Variants in STMN1 observed in about 807,000 individuals in gnomAD.
STMN1 encodes stathmin 1.
Under a neutral mutation model 19.7 loss-of-function variants are expected in STMN1, and 3 were observed. That is an observed-to-expected ratio of 0.15 (90% CI 0.07 to 0.39). The LOEUF is 0.39. Among genes scored for constraint, STMN1 ranks in the 10% least tolerant of loss-of-function variants. The probability of loss-of-function intolerance (pLI) is 1.00; values close to 1 mark genes in which losing one functional copy is unlikely to be tolerated. For synonymous variants in STMN1, 59 were observed against 58.9 expected (o/e 1.00, Z -0.01); for missense variants, 99 against 176.0 (o/e 0.56, Z 2.48).
At position 25,903,704 on chromosome 1, in the gene STMN1, C is replaced by G. The variant is rs1186507955; in HGVS notation, c.123G>C (p.Lys41Asn). The G allele has an allele frequency of 6.2e-7, 1 of 1,613,778 alleles. No individual in the cohort carries two copies. Among genetic ancestry groups the G allele is most frequent in the East Asian group, 2.2e-5 (1 of 44,898 alleles). Residue 41 changes from lysine (K) to asparagine (N), a missense_variant, in exon 3 of 5, where the codon AAG (lysine) becomes AAC (asparagine). Physicochemically the swap from Lys to Asn is moderately conservative, Grantham distance 94. Transcript: ENST00000455785. The stretch of plus-strand genomic sequence containing the variant: ...TTTCCTCCAGGGAAAGATCCTTCTT[C>G]TTTGGAGGGGAAAGGGGGAATTCTG... The part of the protein sequence containing the change: ...SVPEFPLSPP[K>N]KKDLSLEEIQ...
intron 4 of STMN1, among the ~76,000 whole-genome samples, chr1:25,886,889 C>A (rs747515665): frequency 6.6e-6 from 1 of 151,898 alleles, no homozygotes; most frequent in Non-Finnish European, 1.5e-5. Context: ...CCTGGCCCCA[C>A]TGCTTTTATT....
downstream of STMN1, among the ~76,000 whole-genome samples, chr1:25,897,003 G>T (rs773309311): frequency 6.6e-6 from 1 of 152,186 alleles, no homozygotes; most frequent in Non-Finnish European, 1.5e-5. Flanking sequence ...CCATCCAAAG[G>T]GGGAAGCTTT....
chr1:25,901,111 ATCAG>A, intron 4 of STMN1, 24 bp from the exon 5 acceptor site: 1 of 1,499,846 alleles, frequency 6.7e-7, no homozygotes, highest in African/African-American at 1.5e-5. Context: ...GTAAGGTGTC[ATCAG>A]TCAAAAAAAA....
intron 4 of STMN1, among the ~76,000 whole-genome samples, chr1:25,889,353 G>C (rs1246795306): frequency 1.3e-5 from 2 of 152,116 alleles, no homozygotes; most frequent in Non-Finnish European, 2.9e-5. Flanking sequence ...TGTTATAAGG[G>C]AGGAGAGACT....
intron 4 of STMN1, among the ~76,000 whole-genome samples, chr1:25,891,739 G>GT (rs1323946060): frequency 6.6e-5 from 10 of 152,320 alleles, no homozygotes; most frequent in African/African-American, 2.4e-4. Flanking sequence ...GCAGCAGGCT[G>GT]TGAGCCCCCT....
chr1:25,901,468 C>T (rs1378069625), intron 4 of STMN1, 23 bp downstream of exon 4: 1 of 1,590,644 alleles, frequency 6.3e-7, no homozygotes, highest in Non-Finnish European at 8.5e-7. Flanking sequence ...AAGCTCAACC[C>T]TTTTACAAAG....
intron 4 of STMN1, 179 bp downstream of exon 4, chr1:25,901,312 C>A: frequency 1.8e-6 from 2 of 1,117,624 alleles, no homozygotes; most frequent in Non-Finnish European, 2.5e-6. Flanking sequence ...AAGGACTGTG[C>A]AATTATGCTG....
chr1:25,897,853 G>A (rs572102066), downstream of STMN1, among the ~76,000 whole-genome samples: 38 of 152,330 alleles, frequency 2.5e-4, no homozygotes, highest in South Asian at 7.9e-3. Context: ...TCAGTAAATA[G>A]TAGCACTGCC....
chr1:25,894,641 C>CTGCACTCCG (rs1553128440), intron 4 of STMN1, among the ~76,000 whole-genome samples: 1 of 152,200 alleles, frequency 6.6e-6, no homozygotes, highest in Admixed American at 6.5e-5. Context: ...GTTTGCACCA[C>CTGCACTCCG]TGCACTCCGG....
chr1:25,894,525 C>T (rs1447673815), intron 4 of STMN1, among the ~76,000 whole-genome samples: 4 of 152,182 alleles, frequency 2.6e-5, no homozygotes, highest in East Asian at 1.9e-4. Flanking sequence ...ACAAAAAATA[C>T]GAAAATTAGC....
At chr1:25,901,122 A>C in intron 4 of STMN1, 35 bp from the exon 5 acceptor site, 1 of 1,185,540 alleles carries the variant, frequency 8.4e-7, no homozygotes, top group Admixed American at 2.5e-5. Flanking sequence ...TCAGTCAAAA[A>C]AAAAAAAAAA....
chr1:25,901,590 G>T lies in STMN1; in HGVS notation c.279C>A (p.Phe93Leu). 6.2e-7 allele frequency: 1 copy of T among 1,614,024 alleles called. No individual in the cohort carries two copies. Among genetic ancestry groups the T allele is most frequent in the Non-Finnish European group, 8.5e-7 (1 of 1,179,968 alleles). Reference sequence around the variant, plus strand: ...TCAGTTTCTCTTCTGCCATTTTACTGAAGTTGTTGTTCTCTTCTATTGCCT... The same window carrying T: ...TCAGTTTCTCTTCTGCCATTTTACTTAAGTTGTTGTTCTCTTCTATTGCCT... ...LQKAIEENNNFSKMAEEKLTH... is the reference protein window; with the variant it reads ...LQKAIEENNNLSKMAEEKLTH... The change falls in exon 4 of 5, where the codon TTC becomes TTA. Residue 93 changes from phenylalanine (F) to leucine (L), a missense_variant. Around this residue, in one of 3 missense-constraint regions of STMN1, gnomAD observed 54 missense variants for 79.4 expected, o/e 0.68. Transcript: ENST00000455785.
At chr1:25,903,525 G>T in intron 3 of STMN1, 116 bp downstream of exon 3, 1 of 1,346,500 alleles carries the variant, frequency 7.4e-7, no homozygotes, top group Non-Finnish European at 1.0e-6. Context: ...CCAGTCACTG[G>T]CATATGTAAT....
intron 4 of STMN1, 85 bp from the exon 5 acceptor site, chr1:25,901,172 CAA>C (rs1178589855): frequency 1.7e-5 from 26 of 1,547,578 alleles, no homozygotes; most frequent in South Asian, 1.2e-5. Context: ...GCCCCCACCT[CAA>C]AGAGGCCCAA....
intron 4 of STMN1, among the ~76,000 whole-genome samples, chr1:25,889,795 G>C (rs2048756730): frequency 6.6e-6 from 1 of 152,132 alleles, no homozygotes; most frequent in Admixed American, 6.5e-5. Flanking sequence ...AGGCTACACA[G>C]CTGGACCCTG....
Position 25,901,543 on chromosome 1 carries a change from T to C in STMN1, c.326A>G (p.Lys109Arg), listed in dbSNP as rs745484497. 4.3e-6 allele frequency: 7 copies of C among 1,614,002 alleles called. No individual in the cohort carries two copies. In the Admixed American group the frequency reaches 5.0e-5, roughly 12 times the overall value. ...EKLTHKMEAN[K>R]ENREAQMAAK... Reference sequence around the variant, plus strand: ...AGCCATTTGTGCCTCTCGGTTCTCTTTATTAGCTTCCATTTTGTGGGTCAG... The same window carrying C: ...AGCCATTTGTGCCTCTCGGTTCTCTCTATTAGCTTCCATTTTGTGGGTCAG... The change falls in exon 4 of 5, where the codon AAA (lysine) becomes AGA (arginine). Residue 109 changes from lysine to arginine, a missense_variant. Transcript: ENST00000455785.
chr1:25,900,357 C>A lies in STMN1; in HGVS notation c.*659G>T, dbSNP rs539775276. 9 of 985,832 alleles carry A rather than the reference C, an allele frequency of 9.1e-6. No individual in the cohort carries two copies. The African/African-American group carries it at 1.6e-4, about 17-fold the overall frequency. The allele number at this position is 985,832 out of a possible 1,614,324, so 61.1% of individuals were successfully genotyped here. A position where few individuals can be genotyped will look rare whatever the true frequency, so the allele number is the denominator to read the frequency against. On this transcript the variant is annotated 3_prime_UTR_variant, in exon 5 of 5. Transcript: ENST00000455785. ...ATAAACATCTGAAAGAAAGTAACAG[C>A]TGACCTGGGCTGAGGCATCCAAACA...
intron 4 of STMN1, among the ~76,000 whole-genome samples, chr1:25,894,242 C>T (rs921825841): frequency 1.3e-5 from 2 of 152,170 alleles, no homozygotes; most frequent in African/African-American, 4.8e-5. Flanking sequence ...GTACAGTCTG[C>T]ACACTGTGAG....
At chr1:25,899,998 T>C, downstream of STMN1, 2 of 780,340 alleles carry the variant, frequency 2.6e-6, no homozygotes, top group Non-Finnish European at 3.1e-6. Flanking sequence ...GGCAAAGCAC[T>C]GACAATGGGG....
Sources: allele counts gnomAD v4.1 joint callset (sites outside exome capture counted in the v4.1 genomes callset), GRCh38; gene constraint gnomAD v4.1.1; regional missense constraint gnomAD v4.1.1; transcripts MANE v1.5; gene names NCBI Gene and HGNC (gene_info 2026-07-23, HGNC 2026-07-21).